CADPS2: variants seen among roughly 807,000 people sequenced by gnomAD.
CADPS2 encodes the protein calcium-dependent secretion activator 2.
A neutral mutation model predicts 172.5 loss-of-function variants in CADPS2; 93 were observed. That is an observed-to-expected ratio of 0.54 (90% CI 0.46 to 0.64). The LOEUF is 0.64. CADPS2 is among the 30% of genes least tolerant of loss of function. CADPS2 has a pLI of 0.00. For missense variants in CADPS2, 1,420 were observed against 1,565.9 expected, an observed-to-expected ratio of 0.91 and a Z score of 1.57; for synonymous variants, 546 against 555.2, an observed-to-expected ratio of 0.98 and a Z score of 0.23.
chr7:122,865,656 G>T (rs1323630204), intron 1 of CADPS2, among the ~76,000 whole-genome samples: 1 of 152,176 alleles, frequency 6.6e-6, no homozygotes. Flanking sequence ...AACAAAGCTG[G>T]TGTTTCCCAC....
In CADPS2 at chr7:122,379,247, T is replaced by A. The variant is rs116094325; in HGVS notation, c.3387+121A>T. 522 of 586,936 alleles carry A rather than the reference T, an allele frequency of 8.9e-4. 2 individuals carry two copies. In the African/African-American group the frequency reaches 9.6e-3, roughly 11 times the overall value. The allele number at this position is 586,936 out of a possible 1,614,324, so 36.4% of individuals were successfully genotyped here. A position where few individuals can be genotyped will look rare whatever the true frequency, so the allele number is the denominator to read the frequency against. On this transcript the variant is annotated intron_variant, in intron 25 of 29. Coordinates refer to ENST00000449022, the MANE Select transcript of CADPS2 (RefSeq NM_017954.11). ...TCCCAACTTTTCTGAAAATTCTAAT[T>A]TTTTCCTGCCCTAATCTTTTAAACT... is the stretch of plus-strand genomic sequence containing the variant.
At chr7:122,402,028 G>GT (rs907360059) in intron 20 of CADPS2, among the ~76,000 whole-genome samples, 9 of 152,056 alleles carry the variant, frequency 5.9e-5, no homozygotes, top group South Asian at 2.1e-4. Flanking sequence ...CCAGACAGAT[G>GT]TTTTTTTATT....
intron 17 of CADPS2, among the ~76,000 whole-genome samples, chr7:122,437,302 T>C (rs1242977820): frequency 2.0e-5 from 3 of 152,128 alleles, no homozygotes; most frequent in Non-Finnish European, 2.9e-5. Context: ...GGTGATGAGA[T>C]GGCTTTTTTG....
intron 20 of CADPS2, among the ~76,000 whole-genome samples, chr7:122,404,021 T>C (rs573706131): frequency 6.6e-6 from 1 of 152,316 alleles, no homozygotes; most frequent in East Asian, 1.9e-4. Flanking sequence ...CTTAAAGTTT[T>C]AGGGTACATG....
chr7:122,490,884 C>T (rs114897451), intron 10 of CADPS2, among the ~76,000 whole-genome samples: 1,719 of 152,008 alleles, frequency 0.011, 37 homozygotes, highest in African/African-American at 0.039. Context: ...TATCAGGTGT[C>T]CAATACTCTT....
At chr7:122,797,647 GA>G (rs1796673895) in intron 1 of CADPS2, among the ~76,000 whole-genome samples, 1 of 151,068 alleles carries the variant, frequency 6.6e-6, no homozygotes, top group Admixed American at 6.6e-5. Context: ...TAAATGATGA[GA>G]ACACATGGAC....
chr7:122,400,680 C>T (rs985574399), intron 20 of CADPS2, among the ~76,000 whole-genome samples: 6 of 152,090 alleles, frequency 3.9e-5, no homozygotes, highest in African/African-American at 1.4e-4. Flanking sequence ...TTGTAAAGTG[C>T]ATACTTATAA....
chr7:122,854,030 A>G (rs576255831), intron 1 of CADPS2, among the ~76,000 whole-genome samples: 84 of 152,286 alleles, frequency 5.5e-4, no homozygotes, highest in Non-Finnish European at 1.0e-3. Context: ...TCCAGGCCAT[A>G]GTAACTGCTG....
intron 16 of CADPS2, chr7:122,440,451 A>C (rs1179531705): frequency 6.6e-6 from 1 of 152,222 alleles, no homozygotes; most frequent in Non-Finnish European, 1.5e-5. Flanking sequence ...CAGTATTATA[A>C]AAATTCTAAT....
chr7:122,482,698 T>C (rs1253440860), intron 11 of CADPS2, among the ~76,000 whole-genome samples: 3 of 152,144 alleles, frequency 2.0e-5, no homozygotes. Context: ...CTATAGCCCA[T>C]GGCACAAGCA....
intron 15 of CADPS2, among the ~76,000 whole-genome samples, chr7:122,443,907 T>A (rs910954515): frequency 5.3e-5 from 8 of 152,060 alleles, no homozygotes; most frequent in Admixed American, 2.0e-4. Context: ...ATATTTAAAA[T>A]ATATGGTTTG....
chr7:122,855,427 C>G (rs1419825300), intron 1 of CADPS2, among the ~76,000 whole-genome samples: 1 of 152,132 alleles, frequency 6.6e-6, no homozygotes, highest in African/African-American at 2.4e-5. Flanking sequence ...AATTCAACTT[C>G]CAAACACAAA....
chr7:122,597,436 C>G (rs941131406), intron 6 of CADPS2, among the ~76,000 whole-genome samples: 2 of 152,012 alleles, frequency 1.3e-5, no homozygotes, highest in Non-Finnish European at 2.9e-5. Flanking sequence ...GTTGAAATCC[C>G]AACTCCCCAA....
At chr7:122,776,680 A>G (rs1347246081) in intron 1 of CADPS2, among the ~76,000 whole-genome samples, 1 of 152,208 alleles carries the variant, frequency 6.6e-6, no homozygotes, top group East Asian at 1.9e-4. Context: ...GGGAAAGTTT[A>G]GAATTTCCTA....
Position 122,567,756 on chromosome 7 carries a change from G to C in CADPS2, c.1336-13067C>G, listed in dbSNP as rs115666027. 7.5e-3 allele frequency among the ~76,000 whole-genome samples: 1,147 copies of C among 152,068 alleles called. 12 individuals carry two copies. Among genetic ancestry groups the C allele is most frequent in the African/African-American group, 0.026 (1,082 of 41,518 alleles). On this transcript the variant is annotated intron_variant, in intron 7 of 29. Coordinates refer to ENST00000449022, the MANE Select transcript of CADPS2 (RefSeq NM_017954.11). ...TACATTAAATGTTATAATATTACTT[G>C]ACTTAGCCTCTGATGAGTTAAAACA...
At chr7:122,616,948 A>G (rs952253843) in intron 5 of CADPS2, among the ~76,000 whole-genome samples, 7 of 152,230 alleles carry the variant, frequency 4.6e-5, no homozygotes, top group African/African-American at 1.7e-4. Context: ...TTAATAATAA[A>G]AATGTTTGAT....
At chr7:122,859,465 T>C (rs1402113498) in intron 1 of CADPS2, among the ~76,000 whole-genome samples, 1 of 152,204 alleles carries the variant, frequency 6.6e-6, no homozygotes, top group African/African-American at 2.4e-5. Context: ...TTTTAGAACC[T>C]TGGTCATTTA....
At chr7:122,583,484 T>C (rs1411303297) in intron 6 of CADPS2, among the ~76,000 whole-genome samples, 1 of 151,840 alleles carries the variant, frequency 6.6e-6, no homozygotes, top group Non-Finnish European at 1.5e-5. Flanking sequence ...GCATTTTACC[T>C]TTAAGTGTGA....
At chr7:122,452,837 A>G (rs2152049128) in intron 14 of CADPS2, among the ~76,000 whole-genome samples, 1 of 152,322 alleles carries the variant, frequency 6.6e-6, no homozygotes, top group East Asian at 1.9e-4. Flanking sequence ...GCTTAAAATA[A>G]CTTTCCTAAC....
Sources: allele counts gnomAD v4.1 joint callset (sites outside exome capture counted in the v4.1 genomes callset), GRCh38; gene constraint gnomAD v4.1.1; transcripts MANE v1.5; gene names NCBI Gene and HGNC (gene_info 2026-07-23, HGNC 2026-07-21).